The following AGPS variants were observed in gnomAD, a reference collection of about 807,000 sequenced individuals.
The protein encoded by AGPS is alkylglycerone phosphate synthase.
Under a neutral mutation model 90.7 loss-of-function variants are expected in AGPS, and 26 were observed. The ratio of observed to expected loss-of-function variants is 0.29; its 90% confidence interval spans 0.21 to 0.40. The LOEUF is 0.40. Among genes scored for constraint, AGPS ranks in the 10% least tolerant of loss-of-function variants. The pLI, the probability that AGPS is intolerant of heterozygous loss-of-function variation, is 1.00. For synonymous variants in AGPS, 294 were observed against 285.3 expected, an observed-to-expected ratio of 1.03 and a Z score of -0.31; for missense variants, 540 against 816.1, an observed-to-expected ratio of 0.66 and a Z score of 4.12.
At chr2:177,393,221 C>A in intron 1 of AGPS, 172 bp downstream of exon 1, 1 of 985,306 alleles carries the variant, frequency 1.0e-6, no homozygotes, top group Non-Finnish European at 1.2e-6. Flanking sequence ...ACCCTGGATT[C>A]TGTCAGGAAG....
chr2:177,462,120 G>A lies in AGPS; in HGVS notation c.996+102G>A, dbSNP rs551281908. ...AAATTAAGAGTTGGGCCTGGGCGCGGTGGCCAATGCCTGTAATCCCAGCAC... is the reference window on the plus strand; with the variant it reads ...AAATTAAGAGTTGGGCCTGGGCGCGATGGCCAATGCCTGTAATCCCAGCAC... On this transcript the variant is annotated intron_variant, in intron 9 of 19. Transcript: ENST00000264167. 3.5e-5 allele frequency: 35 copies of A among 1,007,544 alleles called. No homozygotes were observed. The African/African-American group carries it at 4.6e-4, about 13-fold the overall frequency. The allele number at this position is 1,007,544 out of a possible 1,614,324, so 62.4% of individuals were successfully genotyped here. A position where few individuals can be genotyped will look rare whatever the true frequency, so the allele number is the denominator to read the frequency against.
chr2:177,499,457 T>C (rs1197200661), intron 13 of AGPS, among the ~76,000 whole-genome samples, 161 bp from the exon 14 acceptor site: 2 of 151,990 alleles, frequency 1.3e-5, no homozygotes, highest in African/African-American at 4.8e-5. Context: ...AATAGGTTTA[T>C]TAAACATTCT....
At chr2:177,416,173 T>C (rs1685779304) in intron 1 of AGPS, among the ~76,000 whole-genome samples, 1 of 152,164 alleles carries the variant, frequency 6.6e-6, no homozygotes, top group African/African-American at 2.4e-5. Flanking sequence ...TGACAACCAG[T>C]CTGTAAACAG....
At chr2:177,451,376 GT>G (rs1381935267) in intron 8 of AGPS, among the ~76,000 whole-genome samples, 1 of 152,042 alleles carries the variant, frequency 6.6e-6, no homozygotes, top group African/African-American at 2.4e-5. Context: ...TAAAAATACA[GT>G]TTTTTATACT....
chr2:177,427,609 A>G (rs1284550640), intron 2 of AGPS, among the ~76,000 whole-genome samples: 1 of 151,944 alleles, frequency 6.6e-6, no homozygotes, highest in Non-Finnish European at 1.5e-5. Flanking sequence ...CCCAGGAGTC[A>G]TTCAGGTTGT....
At chr2:177,441,412 A>G (rs1686596659) in intron 6 of AGPS, 1 of 162,022 alleles carries the variant, frequency 6.2e-6, no homozygotes. Context: ...TAGGAATGGT[A>G]ATAAGACTCC....
chr2:177,447,973 A>C (rs976027687), intron 8 of AGPS, among the ~76,000 whole-genome samples: 3 of 152,198 alleles, frequency 2.0e-5, no homozygotes, highest in Admixed American at 6.5e-5. Context: ...GATAAAATTT[A>C]ATGGAAGCTG....
intron 11 of AGPS, among the ~76,000 whole-genome samples, chr2:177,484,031 A>G (rs1202097336): frequency 6.7e-6 from 1 of 150,372 alleles, no homozygotes; most frequent in East Asian, 1.9e-4. Context: ...TTTTTAAATG[A>G]CCAGAAGTTC....
At chr2:177,431,967 G>A (rs1686257229) in intron 2 of AGPS, among the ~76,000 whole-genome samples, 2 of 152,168 alleles carry the variant, frequency 1.3e-5, no homozygotes, top group African/African-American at 4.8e-5. Context: ...ACTGATAAAT[G>A]ACCATGAAAT....
chr2:177,404,278 G>C (rs772896251), intron 1 of AGPS, among the ~76,000 whole-genome samples: 1 of 152,124 alleles, frequency 6.6e-6, no homozygotes, highest in Non-Finnish European at 1.5e-5. Flanking sequence ...GGGTCTATGG[G>C]GGTAATGAGA....
At chr2:177,527,454 A>G (rs2079098904) in intron 19 of AGPS, among the ~76,000 whole-genome samples, 1 of 152,110 alleles carries the variant, frequency 6.6e-6, no homozygotes, top group Admixed American at 6.6e-5. Flanking sequence ...GAAAATAAAT[A>G]TTATACATTA....
chr2:177,532,084 G>A (rs1286622596), intron 19 of AGPS, among the ~76,000 whole-genome samples: 1 of 151,836 alleles, frequency 6.6e-6, no homozygotes, highest in Non-Finnish European at 1.5e-5. Flanking sequence ...TCTTAGACCG[G>A]ACACTAAAAG....
At chr2:177,441,104 A>G in intron 6 of AGPS, 68 bp downstream of exon 6, 1 of 1,301,766 alleles carries the variant, frequency 7.7e-7, no homozygotes. Context: ...TATTTTAAAT[A>G]TTTGCGTCAC....
intron 19 of AGPS, among the ~76,000 whole-genome samples, chr2:177,526,993 AG>A (rs2079093985): frequency 6.6e-6 from 1 of 152,228 alleles, no homozygotes; most frequent in Admixed American, 6.5e-5. Context: ...TGTTAGTGCC[AG>A]AATTTGAATT....
rs568643090 is a variant in AGPS at position 177,413,222 on chromosome 2, T to C, written c.261-7047T>C. ...AAGCCGGTATGGATTTCAGTCTTGG[T>C]ATTTTTAGGGTCATGCCAAGGGTAT... On this transcript the variant is annotated intron_variant, in intron 1 of 19. Transcript: ENST00000264167. 9.8e-5 allele frequency among the ~76,000 whole-genome samples: 15 copies of C among 152,326 alleles called. 2 individuals are homozygous for C. The Middle Eastern group carries it at 0.01, about 104-fold the overall frequency.
At chr2:177,475,905 C>G (rs965426803) in intron 10 of AGPS, among the ~76,000 whole-genome samples, 6 of 152,078 alleles carry the variant, frequency 3.9e-5, no homozygotes, top group African/African-American at 1.4e-4. Context: ...ATTTTACATT[C>G]CCACAAGCAG....
At chr2:177,520,922 A>G (rs1241154993) in intron 17 of AGPS, among the ~76,000 whole-genome samples, 3 of 152,364 alleles carry the variant, frequency 2.0e-5, no homozygotes, top group African/African-American at 4.8e-5. Context: ...GCATTTCATC[A>G]TAAAATTCTG....
intron 9 of AGPS, 123 bp downstream of exon 9, chr2:177,462,141 A>G: frequency 1.2e-6 from 1 of 831,886 alleles, no homozygotes; most frequent in South Asian, 1.7e-5. Flanking sequence ...CTGTAATCCC[A>G]GCACTTTGGG....
chr2:177,415,918 AGT>A (rs1685772461), intron 1 of AGPS, among the ~76,000 whole-genome samples: 2 of 152,126 alleles, frequency 1.3e-5, no homozygotes, highest in Non-Finnish European at 2.9e-5. Flanking sequence ...TGATCTGAAG[AGT>A]GAAGCATCTT....
Sources: allele counts gnomAD v4.1 joint callset (sites outside exome capture counted in the v4.1 genomes callset), GRCh38; gene constraint gnomAD v4.1.1; transcripts MANE v1.5; gene names NCBI Gene and HGNC (gene_info 2026-07-23, HGNC 2026-07-21).